The following KCMF1 variants were observed in gnomAD, a reference collection of about 807,000 sequenced individuals.
KCMF1 encodes the protein E3 ubiquitin-protein ligase KCMF1.
Under a neutral mutation model 41.1 loss-of-function variants are expected in KCMF1, and 3 were observed. The observed-to-expected ratio is 0.07, with a 90% CI of 0.03 to 0.19. The LOEUF (loss-of-function observed/expected upper bound fraction) is 0.19. Ranked by LOEUF, KCMF1 falls within the 10% of genes least tolerant of loss-of-function variation. KCMF1 has a pLI of 1.00. For synonymous variants in KCMF1, 142 were observed against 164.5 expected (o/e 0.86, Z 1.04); for missense variants, 286 against 488.9 (o/e 0.58, Z 3.91).
At chr2:85,047,481 A>G (rs115848717) in intron 5 of KCMF1, among the ~76,000 whole-genome samples, 1,583 of 152,172 alleles carry the variant, frequency 0.01, 22 homozygotes, top group African/African-American at 0.036. Context: ...CTAAAGAATT[A>G]AGCTCTTCTC....
intron 1 of KCMF1, among the ~76,000 whole-genome samples, chr2:85,026,084 G>A (rs1226279544): frequency 6.6e-6 from 1 of 152,038 alleles, no homozygotes; most frequent in Non-Finnish European, 1.5e-5. Flanking sequence ...TCCGTCTCCT[G>A]AGTTCAAGCC....
At chr2:85,007,923 G>A (rs932773225) in intron 1 of KCMF1, among the ~76,000 whole-genome samples, 1 of 151,956 alleles carries the variant, frequency 6.6e-6, no homozygotes, top group African/African-American at 2.4e-5. Context: ...ACCACGCCTG[G>A]CTAATTTTTT....
At chr2:85,023,100 G>C (rs1285505123) in intron 1 of KCMF1, among the ~76,000 whole-genome samples, 1 of 151,358 alleles carries the variant, frequency 6.6e-6, no homozygotes, top group Non-Finnish European at 1.5e-5. Flanking sequence ...TGTTAGCCAG[G>C]ATGGTCTCGA....
intron 1 of KCMF1, among the ~76,000 whole-genome samples, chr2:85,001,210 T>C (rs1674318487): frequency 2.6e-5 from 4 of 151,958 alleles, no homozygotes; most frequent in Admixed American, 2.6e-4. Flanking sequence ...CAGGCTGGAG[T>C]GCAGTGGCGT....
At chr2:84,990,180 A>G (rs961240470) in intron 1 of KCMF1, among the ~76,000 whole-genome samples, 1 of 152,228 alleles carries the variant, frequency 6.6e-6, no homozygotes, top group Non-Finnish European at 1.5e-5. Flanking sequence ...AGTGGGCTGG[A>G]CCCAGATTGC....
chr2:84,973,111 G>C (rs1406165970), intron 1 of KCMF1, among the ~76,000 whole-genome samples: 1 of 152,222 alleles, frequency 6.6e-6, no homozygotes, highest in Non-Finnish European at 1.5e-5. Flanking sequence ...CAAAACAAAA[G>C]TGAGCAATGG....
At chr2:84,992,131 C>T (rs1238447648) in intron 1 of KCMF1, among the ~76,000 whole-genome samples, 1 of 152,220 alleles carries the variant, frequency 6.6e-6, no homozygotes, top group Non-Finnish European at 1.5e-5. Flanking sequence ...AGTTGTTTAT[C>T]TCTCTGCATC....
At chr2:85,001,645 G>T (rs1674331309) in intron 1 of KCMF1, among the ~76,000 whole-genome samples, 2 of 152,104 alleles carry the variant, frequency 1.3e-5, no homozygotes, top group African/African-American at 4.8e-5. Flanking sequence ...TCATTGTGAT[G>T]ACCAAAAAAT....
chr2:84,980,378 G>A (rs796886419), intron 1 of KCMF1, among the ~76,000 whole-genome samples: 34 of 152,292 alleles, frequency 2.2e-4, no homozygotes, highest in African/African-American at 7.9e-4. Context: ...CAGAAAACCA[G>A]CTCTCACGCC....
rs372565810 is a variant in KCMF1, at chr2:84,983,096, A to G, written c.16+11629A>G. On this transcript the variant is annotated intron_variant, in intron 1 of 6. Transcript: ENST00000409785. ...TTCTACAAGCTTTTTAAAAGCCACC[A>G]TTGGAAGAGAAATAACAAATCTACT... 1.2e-4 allele frequency among the ~76,000 whole-genome samples: 19 copies of G among 152,314 alleles called. No individual in the cohort carries two copies. The South Asian group carries it at 2.1e-3, about 17-fold the overall frequency.
At chr2:85,007,219 C>G (rs1455815254) in intron 1 of KCMF1, among the ~76,000 whole-genome samples, 1 of 152,004 alleles carries the variant, frequency 6.6e-6, no homozygotes, top group Non-Finnish European at 1.5e-5. Context: ...CCCAGTATAT[C>G]CATTTCTATC....
chr2:84,983,920 G>A (rs1017113056), intron 1 of KCMF1, among the ~76,000 whole-genome samples: 2 of 152,190 alleles, frequency 1.3e-5, no homozygotes, highest in Non-Finnish European at 2.9e-5. Flanking sequence ...TGGGATTACA[G>A]GAGTGAGTCC....
chr2:84,993,900 AT>A (rs1294328656), intron 1 of KCMF1, among the ~76,000 whole-genome samples: 1 of 128,570 alleles, frequency 7.8e-6, no homozygotes, highest in Admixed American at 8.5e-5. Flanking sequence ...GAGTTTGAAC[AT>A]TTTTTGTTTT....
intron 2 of KCMF1, among the ~76,000 whole-genome samples, chr2:85,028,551 G>C (rs180793763): frequency 8.2e-6 from 1 of 121,806 alleles, no homozygotes; most frequent in Admixed American, 1.1e-4. Flanking sequence ...GTGCAATGTC[G>C]TGATCTCAGC....
intron 1 of KCMF1, among the ~76,000 whole-genome samples, chr2:84,978,508 T>C (rs561927756): frequency 1.3e-5 from 2 of 151,972 alleles, no homozygotes; most frequent in African/African-American, 4.8e-5. Flanking sequence ...TGGGTTTTTT[T>C]TTTTTTATAC....
In KCMF1 at chr2:84,996,028, T is replaced by A. The variant is rs567950133; in HGVS notation, c.16+24561T>A. On this transcript the variant is annotated intron_variant, in intron 1 of 6. Coordinates refer to ENST00000409785, the MANE Select transcript of KCMF1 (RefSeq NM_020122.5). The stretch of plus-strand genomic sequence containing the variant: ...CCACAAGCAGTATTGCCGTCAATGT[T>A]GTTTCTTTTTGAACAGCTCATAGTT... Among the ~76,000 whole-genome samples, 63 of 152,350 alleles carry A rather than the reference T, an allele frequency of 4.1e-4. No homozygotes were observed. In the South Asian group the frequency reaches 0.013, roughly 31 times the overall value.
intron 1 of KCMF1, 77 bp downstream of exon 1, chr2:84,971,544 G>A: frequency 2.3e-6 from 2 of 861,616 alleles, no homozygotes; most frequent in Non-Finnish European, 3.0e-6. Context: ...GGCGGAGGGC[G>A]GCCGGGAAGC....
chr2:85,008,314 T>TATAATATATATCATATATAATATG (rs1553379335), intron 1 of KCMF1, among the ~76,000 whole-genome samples: 1 of 101,044 alleles, frequency 9.9e-6, no homozygotes, highest in Non-Finnish European at 1.9e-5. Context: ...TAATATGATA[T>TATAATATATATCATATATAATATG]ATATATCATA....
chr2:85,038,920 G>C (rs568569705), intron 3 of KCMF1, among the ~76,000 whole-genome samples: 13 of 152,164 alleles, frequency 8.5e-5, no homozygotes, highest in Non-Finnish European at 1.5e-5. Flanking sequence ...TCGTCTCACC[G>C]TGTGGCCCAG....
Sources: gnomAD v4.1 joint callset for allele counts (sites outside exome capture counted in the v4.1 genomes callset) on GRCh38, gnomAD v4.1.1 for gene constraint, MANE v1.5 for transcripts, NCBI Gene and HGNC (gene_info 2026-07-23, HGNC 2026-07-21) for gene names.